Variants in SLC12A7 observed in about 807,000 individuals in gnomAD.
SLC12A7 encodes the protein solute carrier family 12 member 7, also known as K-Cl cotransporter 4.
Under a neutral mutation model 120.6 loss-of-function variants are expected in SLC12A7, and 100 were observed. The ratio of observed to expected loss-of-function variants is 0.83; its 90% CI spans 0.71 to 0.98. The LOEUF (loss-of-function observed/expected upper bound fraction) is 0.98. SLC12A7 is among the 50% of genes least tolerant of loss of function. The pLI, the probability that SLC12A7 is intolerant of heterozygous loss-of-function variation, is 0.00. For synonymous variants in SLC12A7, 760 were observed against 678.0 expected, an observed-to-expected ratio of 1.12 and a Z score of -1.88; for missense variants, 1,373 against 1,548.1, an observed-to-expected ratio of 0.89 and a Z score of 1.90.
At chr5:1,122,628 TG>T in the SLC12A7 span, among the ~76,000 whole-genome samples, 10 of 152,214 alleles carry the variant, frequency 6.6e-5, no homozygotes. Flanking sequence ...GCCTGGCACC[TG>T]CCATTCTGCG....
At chr5:1,129,942 G>A in the SLC12A7 span, among the ~76,000 whole-genome samples, 1 of 152,136 alleles carries the variant, frequency 6.6e-6, no homozygotes, top group Non-Finnish European at 1.5e-5. Flanking sequence ...TGAGGAGCCA[G>A]AGGGTCAGGG....
At chr5:1,057,332 C>CT in intron 22 of SLC12A7, 139 bp downstream of exon 22, 1 of 878,930 alleles carries the variant, frequency 1.1e-6, no homozygotes, top group Non-Finnish European at 1.7e-6. Context: ...ACTCAGGCGG[C>CT]TCCCTGTTCT....
At chr5:1,096,004 A>T (rs1202338897) in intron 1 of SLC12A7, among the ~76,000 whole-genome samples, 1 of 152,202 alleles carries the variant, frequency 6.6e-6, no homozygotes, top group Non-Finnish European at 1.5e-5. Context: ...ACTCAGAGGA[A>T]GCTCCAGGTG....
intron 1 of SLC12A7, among the ~76,000 whole-genome samples, chr5:1,105,907 C>T (rs1184140151): frequency 6.6e-6 from 1 of 152,216 alleles, no homozygotes; most frequent in Non-Finnish European, 1.5e-5. Context: ...CCACGGGGTT[C>T]CCATGCCCCA....
chr5:1,070,013 C>T (rs1291751874), intron 17 of SLC12A7, among the ~76,000 whole-genome samples: 1 of 40,502 alleles, frequency 2.5e-5, no homozygotes, highest in African/African-American at 5.1e-5. Flanking sequence ...GAGCCCCCAG[C>T]ACACGGGCAT....
intron 21 of SLC12A7, 80 bp downstream of exon 21, chr5:1,060,263 AG>A: frequency 9.3e-7 from 1 of 1,070,422 alleles, no homozygotes; most frequent in Non-Finnish European, 1.4e-6. Flanking sequence ...CGTGGGCTGC[AG>A]GAGGGTCCCA....
At chr5:1,137,128 C>A in the SLC12A7 span, among the ~76,000 whole-genome samples, 2 of 152,226 alleles carry the variant, frequency 1.3e-5, no homozygotes, top group South Asian at 4.1e-4. Context: ...CCACACCCAG[C>A]CACAGTGAGG....
At chr5:1,142,628 C>T in the SLC12A7 span, among the ~76,000 whole-genome samples, 1 of 148,322 alleles carries the variant, frequency 6.7e-6, no homozygotes, top group Non-Finnish European at 1.5e-5. Flanking sequence ...CTCTGTCTCT[C>T]GCTGTCTCTG....
Position 1,064,078 on chromosome 5 carries a change from C to A in SLC12A7, c.2607+5G>T, listed in dbSNP as rs757789370. ...CGGCTGGCGTGTCCCCGTCGCACGC[C>A]CCACCTTGTGCTGGCGCAGCAGGAA... On this transcript the variant is annotated splice_donor_5th_base_variant and intron_variant, in intron 19 of 23. Coordinates refer to ENST00000264930, the MANE Select transcript of SLC12A7 (RefSeq NM_006598.3). 33 of 1,604,348 alleles carry A rather than the reference C, an allele frequency of 2.1e-5. No homozygotes were observed. In the South Asian group the frequency reaches 3.4e-4, roughly 17 times the overall value.
intron 17 of SLC12A7, among the ~76,000 whole-genome samples, chr5:1,069,319 G>A (rs1340185952): frequency 1.3e-5 from 2 of 152,224 alleles, no homozygotes; most frequent in African/African-American, 2.4e-5. Context: ...GCCCTCTTGA[G>A]CAGGGTTCCC....
the SLC12A7 span, among the ~76,000 whole-genome samples, chr5:1,142,051 G>A: frequency 7.2e-5 from 11 of 152,072 alleles, no homozygotes; most frequent in African/African-American, 2.4e-4. Flanking sequence ...CTTTGCTTCT[G>A]GTGCTAGAGG....
At chr5:1,067,259 G>A (rs1014083561) in intron 17 of SLC12A7, among the ~76,000 whole-genome samples, 2 of 152,356 alleles carry the variant, frequency 1.3e-5, no homozygotes, top group East Asian at 1.9e-4. Context: ...ACCCCCAAGG[G>A]GCACCAGCCA....
upstream of SLC12A7, among the ~76,000 whole-genome samples, chr5:1,113,061 G>A (rs932293557): frequency 4.6e-5 from 7 of 152,090 alleles, no homozygotes; most frequent in African/African-American, 9.7e-5. Context: ...GGATACCACC[G>A]GCCAGCACCT....
intron 3 of SLC12A7, among the ~76,000 whole-genome samples, chr5:1,092,132 T>G (rs1740594227): frequency 6.6e-6 from 1 of 152,260 alleles, no homozygotes; most frequent in South Asian, 2.1e-4. Context: ...TTGAGGCTTC[T>G]CAAAAACAAA....
intron 17 of SLC12A7, among the ~76,000 whole-genome samples, chr5:1,073,409 T>C (rs1396989258): frequency 6.6e-6 from 1 of 152,210 alleles, no homozygotes; most frequent in African/African-American, 2.4e-5. Flanking sequence ...GGGTTCGCCC[T>C]TGGAAAGCTA....
chr5:1,113,984 G>C (rs935381379), upstream of SLC12A7, among the ~76,000 whole-genome samples: 1 of 152,198 alleles, frequency 6.6e-6, no homozygotes, highest in Non-Finnish European at 1.5e-5. Flanking sequence ...TCCAAGCTCT[G>C]CTTCACACCC....
intron 22 of SLC12A7, among the ~76,000 whole-genome samples, chr5:1,055,254 T>C (rs1735487983): frequency 6.6e-6 from 1 of 152,328 alleles, no homozygotes; most frequent in African/African-American, 2.4e-5. Flanking sequence ...TGCAAATGCG[T>C]GCAGACACAC....
In SLC12A7 at chr5:1,078,686, C is replaced by T. The variant is rs896078460; in HGVS notation, c.1454+15G>A. On this transcript the variant is annotated intron_variant, in intron 11 of 23. Transcript: ENST00000264930. ...GACTACAGGCTTTGCACGAAAACTG[C>T]AGGTGGAAACGTACTTATCTCGTAA... 4 of 1,608,264 alleles carry T rather than the reference C, an allele frequency of 2.5e-6. No individual in the cohort carries two copies. Among genetic ancestry groups the T allele is most frequent in the Non-Finnish European group, 3.4e-6 (4 of 1,176,114 alleles).
At chr5:1,110,935 G>C (rs534318387) in intron 1 of SLC12A7, among the ~76,000 whole-genome samples, 1 of 152,226 alleles carries the variant, frequency 6.6e-6, no homozygotes, top group Non-Finnish European at 1.5e-5. Flanking sequence ...TTTCCTGCCC[G>C]GGATGGTGGG....
Sources: gnomAD v4.1 joint callset for allele counts (sites outside exome capture counted in the v4.1 genomes callset) on GRCh38, gnomAD v4.1.1 for gene constraint, MANE v1.5 for transcripts, NCBI Gene and HGNC (gene_info 2026-07-23, HGNC 2026-07-21) for gene names.